Variants in GRM3 observed in about 807,000 individuals in gnomAD.
GRM3 encodes the protein metabotropic glutamate receptor 3.
In GRM3, 26 loss-of-function variants were observed where a neutral mutation model predicts 70.5. The ratio of observed to expected loss-of-function variants is 0.37; its 90% confidence interval spans 0.27 to 0.51. GRM3 has a LOEUF of 0.51. GRM3 is among the 20% of genes least tolerant of loss of function. GRM3 has a pLI of 0.93. For synonymous variants in GRM3, 443 were observed against 434.9 expected, an observed-to-expected ratio of 1.02 and a Z score of -0.23; for missense variants, 859 against 1,123.8, an observed-to-expected ratio of 0.76 and a Z score of 3.37.
At chr7:86,808,871 G>A (rs553937924) in intron 3 of GRM3, among the ~76,000 whole-genome samples, 23 of 152,158 alleles carry the variant, frequency 1.5e-4, no homozygotes, top group Admixed American at 2.6e-4. Context: ...TGGAGTTAGC[G>A]TGGAAGAGAC....
chr7:86,815,998 C>T (rs945782574), intron 3 of GRM3, among the ~76,000 whole-genome samples: 6 of 151,722 alleles, frequency 4.0e-5, no homozygotes, highest in Non-Finnish European at 8.8e-5. Context: ...CTCTATTATT[C>T]GTATAATAAT....
chr7:86,834,637 ATTGT>A (rs1798420276), intron 3 of GRM3, among the ~76,000 whole-genome samples: 1 of 126,696 alleles, frequency 7.9e-6, no homozygotes, highest in Non-Finnish European at 1.7e-5. Context: ...AATCAGTTTT[ATTGT>A]TTGTTAAGTA....
chr7:86,799,303 G>T (rs1327006322), intron 3 of GRM3, among the ~76,000 whole-genome samples: 1 of 152,162 alleles, frequency 6.6e-6, no homozygotes, highest in Non-Finnish European at 1.5e-5. Context: ...AACAGAGAAA[G>T]TTTGACTTCC....
Position 86,841,543 on chromosome 7 carries a change from A to AT in GRM3, c.2391+1647dup, listed in dbSNP as rs199555696. On this transcript the variant is annotated intron_variant, in intron 4 of 5. Transcript: ENST00000361669. ...ACATCTAGTCCCATATATCTGTAGG[A>AT]TTTTTTTTTAAGTTTTTAGGAAGCC... Among the ~76,000 whole-genome samples, 1,044 of 151,494 alleles carry AT rather than the reference A, an allele frequency of 6.9e-3. 14 individuals are homozygous for AT. Among genetic ancestry groups the AT allele is most frequent in the African/African-American group, 0.024 (982 of 41,282 alleles).
chr7:86,795,425 A>G (rs1243415527), intron 3 of GRM3, among the ~76,000 whole-genome samples: 1 of 151,908 alleles, frequency 6.6e-6, no homozygotes, highest in African/African-American at 2.4e-5. Context: ...TAAGCCCCAC[A>G]TACATTAGCT....
At chr7:86,835,837 C>T (rs1798446493) in intron 3 of GRM3, among the ~76,000 whole-genome samples, 1 of 152,050 alleles carries the variant, frequency 6.6e-6, no homozygotes, top group African/African-American at 2.4e-5. Flanking sequence ...GTCCTGAACT[C>T]CTGAGCTCAA....
intron 1 of GRM3, among the ~76,000 whole-genome samples, chr7:86,761,273 T>A (rs867583044): frequency 1.3e-5 from 2 of 152,140 alleles, no homozygotes; most frequent in African/African-American, 4.8e-5. Context: ...ATGTGCATAT[T>A]CCTTATTTAG....
chr7:86,758,963 G>C (rs928976673), intron 1 of GRM3, among the ~76,000 whole-genome samples: 2 of 152,052 alleles, frequency 1.3e-5, no homozygotes, highest in African/African-American at 4.8e-5. Flanking sequence ...GTTTATATAA[G>C]AGGGTCTTAT....
In GRM3 at chr7:86,787,722, A is replaced by T. The variant is rs1167775008; in HGVS notation, c.1324+606A>T. 2.0e-5 allele frequency among the ~76,000 whole-genome samples: 3 copies of T among 152,232 alleles called. No individual in the cohort carries two copies. In the East Asian group the frequency reaches 5.8e-4, roughly 29 times the overall value. ...GTTGGGGATTTTCTCAAAATATGTT[A>T]TGAAATGAAACTCTTTTTCTGGGAG... On this transcript the variant is annotated intron_variant, in intron 3 of 5. Transcript: ENST00000361669.
intron 1 of GRM3, among the ~76,000 whole-genome samples, chr7:86,717,430 G>A (rs1353177595): frequency 2.6e-5 from 4 of 151,942 alleles, no homozygotes; most frequent in African/African-American, 9.7e-5. Context: ...ATGATAATCA[G>A]CAAGTGGCTA....
intron 3 of GRM3, among the ~76,000 whole-genome samples, chr7:86,821,173 G>GT (rs3838256): frequency 0.062 from 9,337 of 151,646 alleles, 929 homozygotes; most frequent in African/African-American, 0.21. Context: ...TGAATAAAGG[G>GT]TTTTTTTTAA....
intron 1 of GRM3, among the ~76,000 whole-genome samples, chr7:86,668,063 A>G (rs1027067850): frequency 6.6e-6 from 1 of 152,164 alleles, no homozygotes; most frequent in Admixed American, 6.6e-5. Context: ...TGTCCAGTTT[A>G]TGGATATGAA....
chr7:86,831,319 T>C (rs1230098836), intron 3 of GRM3, among the ~76,000 whole-genome samples: 2 of 152,216 alleles, frequency 1.3e-5, no homozygotes, highest in African/African-American at 4.8e-5. Context: ...TGCTTTTTTT[T>C]GTATGCATTA....
chr7:86,855,420 T>C (rs1798828253), intron 5 of GRM3, among the ~76,000 whole-genome samples: 1 of 152,164 alleles, frequency 6.6e-6, no homozygotes, highest in African/African-American at 2.4e-5. Context: ...TATAAGGATA[T>C]GTGTCTCTTG....
Position 86,652,068 on chromosome 7 carries a change from C to T in GRM3, c.-141+7196C>T, listed in dbSNP as rs534050960. The stretch of plus-strand genomic sequence containing the variant: ...GAACAATTAATTTATTGAATTTTTA[C>T]GTACTTCACGACCTTGTCTAAGACA... On this transcript the variant is annotated intron_variant, in intron 1 of 5. Coordinates refer to ENST00000361669, the MANE Select transcript of GRM3 (RefSeq NM_000840.3). Among the ~76,000 whole-genome samples the T allele has an allele frequency of 2.4e-4, 37 of 152,246 alleles. No individual in the cohort carries two copies. The South Asian group carries it at 6.8e-3, about 28-fold the overall frequency.
At chr7:86,713,850 A>C (rs1040364516) in intron 1 of GRM3, among the ~76,000 whole-genome samples, 7 of 151,976 alleles carry the variant, frequency 4.6e-5, no homozygotes, top group African/African-American at 1.7e-4. Flanking sequence ...CAGACTTCCA[A>C]ATATAAAGAA....
chr7:86,762,569 T>C (rs780367545), intron 1 of GRM3, among the ~76,000 whole-genome samples: 1 of 152,174 alleles, frequency 6.6e-6, no homozygotes, highest in Non-Finnish European at 1.5e-5. Context: ...TTCTAAATGC[T>C]GTGCCATTTC....
rs189411903 is a variant in GRM3, at chr7:86,856,370, C to T, written c.2566+5826C>T. The stretch of plus-strand genomic sequence containing the variant: ...CTGAGACAGGAGAATTGCTTGAACC[C>T]GGGAGGTGGAGGCTGCAGTGAGCCG... On this transcript the variant is annotated intron_variant, in intron 5 of 5. Transcript: ENST00000361669. 8.1e-5 allele frequency among the ~76,000 whole-genome samples: 12 copies of T among 149,016 alleles called. No homozygotes were observed. The South Asian group carries it at 8.9e-4, about 11-fold the overall frequency.
At chr7:86,741,767 G>A (rs1045524874) in intron 1 of GRM3, among the ~76,000 whole-genome samples, 4 of 152,122 alleles carry the variant, frequency 2.6e-5, no homozygotes, top group African/African-American at 9.7e-5. Context: ...GGAATAGTTT[G>A]CAAATTGCTG....
Sources: allele counts gnomAD v4.1 joint callset (sites outside exome capture counted in the v4.1 genomes callset), GRCh38; gene constraint gnomAD v4.1.1; transcripts MANE v1.5; gene names NCBI Gene and HGNC (gene_info 2026-07-23, HGNC 2026-07-21).